VPS13B: variants seen among roughly 807,000 people sequenced by gnomAD.
VPS13B encodes the protein vacuolar protein sorting 13 homolog B, also known as intermembrane lipid transfer protein VPS13B.
VPS13B carries 285 observed loss-of-function variants against 426.4 expected under a neutral mutation model. The observed-to-expected ratio is 0.67, with a 90% CI of 0.61 to 0.74. The LOEUF is 0.74. Among genes scored for constraint, VPS13B ranks in the 30% least tolerant of loss-of-function variants. VPS13B has a pLI of 0.00. For synonymous variants in VPS13B, 1,676 were observed against 1,676.4 expected, an observed-to-expected ratio of 1.00 and a Z score of 0.01; for missense variants, 4,537 against 4,782.6, an observed-to-expected ratio of 0.95 and a Z score of 1.51.
intron 34 of VPS13B, among the ~76,000 whole-genome samples, chr8:99,660,729 TTAAACAGAAAAAAAGTC>T (rs1334390724): frequency 2.0e-5 from 3 of 151,884 alleles, no homozygotes; most frequent in South Asian, 2.1e-4. Context: ...ATACATAGTA[TTAAACAGAAAAAAAGTC>T]TAAACAGAAA....
At chr8:99,746,670 G>T (rs1322476915) in intron 39 of VPS13B, among the ~76,000 whole-genome samples, 2 of 152,270 alleles carry the variant, frequency 1.3e-5, no homozygotes, top group Admixed American at 1.3e-4. Flanking sequence ...AGTGAGCCCA[G>T]TTCTGCAGGT....
At chr8:99,722,380 C>G (rs2130352015) in intron 39 of VPS13B, among the ~76,000 whole-genome samples, 1 of 152,252 alleles carries the variant, frequency 6.6e-6, no homozygotes, top group Middle Eastern at 3.4e-3. Flanking sequence ...GATGATGTAT[C>G]TCCAGCCTCT....
At chr8:99,795,190 A>C (rs751095063) in intron 43 of VPS13B, among the ~76,000 whole-genome samples, 4 of 152,208 alleles carry the variant, frequency 2.6e-5, no homozygotes, top group Admixed American at 2.6e-4. Flanking sequence ...ACTGCCTGGA[A>C]ATCTACTTAG....
intron 35 of VPS13B, among the ~76,000 whole-genome samples, chr8:99,691,463 A>G (rs1190700083): frequency 6.6e-6 from 1 of 152,154 alleles, no homozygotes; most frequent in Non-Finnish European, 1.5e-5. Flanking sequence ...GGAGAAAGGA[A>G]CATTTTAGTA....
chr8:99,154,150 G>GTT (rs200498111), intron 14 of VPS13B, among the ~76,000 whole-genome samples: 10,471 of 146,350 alleles, frequency 0.072, 565 homozygotes, highest in African/African-American at 0.15. Context: ...CTGTATGTAG[G>GTT]TTTTTTTTGT....
At position 99,481,684 on chromosome 8, in the gene VPS13B, C is replaced by A; in HGVS notation, c.3752C>A (p.Thr1251Asn). Residue 1251 changes from threonine (T) to asparagine (N), a missense_variant, in exon 25 of 62, where the codon ACC (threonine) becomes AAC (asparagine). This residue lies in a region of VPS13B where 4,311 missense variants were observed against 4,474.3 expected (regional missense o/e 0.96). Transcript: ENST00000357162. Reference sequence around the variant, plus strand: ...AGAGGCAATCTCAACCTATCTCCAACCTCTCCAGAGACCATGGCAGGGCCT... The same window carrying A: ...AGAGGCAATCTCAACCTATCTCCAAACTCTCCAGAGACCATGGCAGGGCCT... Reference protein sequence around the residue: ...QKRGNLNLSPTSPETMAGPVP... With the variant: ...QKRGNLNLSPNSPETMAGPVP... 6.2e-7 allele frequency: 1 copy of A among 1,614,024 alleles called. No homozygotes were observed. Among genetic ancestry groups the A allele is most frequent in the Non-Finnish European group, 8.5e-7 (1 of 1,179,906 alleles).
chr8:99,817,796 T>C lies in VPS13B; in HGVS notation c.8354T>C (p.Val2785Ala). 6.2e-7 allele frequency: 1 copy of C among 1,614,094 alleles called. No individual in the cohort carries two copies. The highest frequency in any genetic ancestry group is 8.5e-7 in the Non-Finnish European group (1 of 1,179,986). Residue 2785 changes from valine to alanine, a missense_variant, in exon 45 of 62, where the codon GTC (valine) becomes GCC (alanine). Around this residue, in one of 2 missense-constraint regions of VPS13B, gnomAD observed 4,311 missense variants for 4,474.3 expected, o/e 0.96. Transcript: ENST00000357162. ...LESKAPEYSI[V>A]IQVPSSNSSI... ...TCCAAAGCCCCTGAGTACAGCATTG[T>C]CATTCAGGTTTGAAAAGACGTTCAA...
At chr8:99,620,985 TCAAA>T (rs1828322586) in intron 33 of VPS13B, among the ~76,000 whole-genome samples, 2 of 36,718 alleles carry the variant, frequency 5.4e-5, no homozygotes, top group African/African-American at 1.1e-4. Context: ...AAACTCCATC[TCAAA>T]AAAAAAAAAA....
At chr8:99,788,894 G>A (rs549948071) in intron 43 of VPS13B, among the ~76,000 whole-genome samples, 34 of 152,230 alleles carry the variant, frequency 2.2e-4, no homozygotes, top group Non-Finnish European at 3.4e-4. Flanking sequence ...ATTTAAAATT[G>A]TTTTCACTCT....
intron 19 of VPS13B, among the ~76,000 whole-genome samples, chr8:99,383,146 A>C (rs1813916280): frequency 6.6e-6 from 1 of 152,194 alleles, no homozygotes; most frequent in Non-Finnish European, 1.5e-5. Flanking sequence ...ACTACTTTTC[A>C]TCAGAAAGGG....
At chr8:99,828,159 T>C (rs1428544307) in intron 51 of VPS13B, among the ~76,000 whole-genome samples, 3 of 151,934 alleles carry the variant, frequency 2.0e-5, no homozygotes, top group African/African-American at 7.2e-5. Flanking sequence ...TGAGCTAATA[T>C]TGACAGTGGG....
chr8:99,567,183 A>G (rs1825230969), intron 31 of VPS13B, among the ~76,000 whole-genome samples: 1 of 152,104 alleles, frequency 6.6e-6, no homozygotes, highest in South Asian at 2.1e-4. Context: ...ATTCAGCAAT[A>G]CCCCTAGTCG....
rs141708249 is a variant in VPS13B, at chr8:99,422,697, T to C, written c.3083-8840T>C. Among the ~76,000 whole-genome samples the C allele has an allele frequency of 1.2e-3, 188 of 152,330 alleles. 5 individuals are homozygous for C. The East Asian group carries it at 0.033, about 26-fold the overall frequency. ...TAAGTACAAAGTTAATTAATATACA[T>C]GTTTTAAAAAATACAATAAGTAATT... On this transcript the variant is annotated intron_variant, in intron 21 of 61. Coordinates refer to ENST00000357162, the MANE Select transcript of VPS13B (RefSeq NM_152564.5).
chr8:99,870,697 G>C, intron 59 of VPS13B, 88 bp from the exon 60 acceptor site: 2 of 1,208,692 alleles, frequency 1.7e-6, no homozygotes, highest in Non-Finnish European at 2.5e-6. Flanking sequence ...AACATTTTAT[G>C]GATGGCTCTG....
chr8:99,387,638 C>A (rs1043286514), intron 20 of VPS13B, among the ~76,000 whole-genome samples: 1 of 152,062 alleles, frequency 6.6e-6, no homozygotes, highest in Non-Finnish European at 1.5e-5. Flanking sequence ...AATGTTCCCC[C>A]TGCCCCACCC....
chr8:99,524,679 A>G (rs1013848398), intron 30 of VPS13B, among the ~76,000 whole-genome samples: 1 of 152,122 alleles, frequency 6.6e-6, no homozygotes, highest in African/African-American at 2.4e-5. Flanking sequence ...CTGTAGTCCC[A>G]CTGTTCTGCA....
At chr8:99,059,618 T>G (rs1844070679) in intron 3 of VPS13B, among the ~76,000 whole-genome samples, 1 of 152,184 alleles carries the variant, frequency 6.6e-6, no homozygotes, top group African/African-American at 2.4e-5. Context: ...CTACAGATAC[T>G]GAAGTATGAC....
At chr8:99,108,352 C>T (rs190114258) in intron 5 of VPS13B, among the ~76,000 whole-genome samples, 42 of 152,184 alleles carry the variant, frequency 2.8e-4, no homozygotes, top group East Asian at 1.7e-3. Context: ...TATTCATAAG[C>T]GTGTTGCCTA....
intron 3 of VPS13B, among the ~76,000 whole-genome samples, chr8:99,072,732 T>C (rs549649457): frequency 6.6e-6 from 1 of 152,200 alleles, no homozygotes; most frequent in Non-Finnish European, 1.5e-5. Context: ...TAGTTTCAGG[T>C]CTTAAGGTTA....
Sources: gnomAD v4.1 joint callset for allele counts (sites outside exome capture counted in the v4.1 genomes callset) on GRCh38, gnomAD v4.1.1 for gene constraint, gnomAD v4.1.1 regional missense constraint, MANE v1.5 for transcripts, NCBI Gene and HGNC (gene_info 2026-07-23, HGNC 2026-07-21) for gene names.